The following KBTBD8 variants were observed in gnomAD, a reference collection of about 807,000 sequenced individuals.
KBTBD8 encodes the protein kelch repeat and BTB domain containing 8.
Under a neutral mutation model 53.5 loss-of-function variants are expected in KBTBD8, and 31 were observed. The observed-to-expected ratio is 0.58, with a 90% CI of 0.44 to 0.78. The LOEUF (loss-of-function observed/expected upper bound fraction) is 0.78. Among genes scored for constraint, KBTBD8 ranks in the 30% least tolerant of loss-of-function variants. The pLI, the probability that KBTBD8 is intolerant of heterozygous loss-of-function variation, is 0.00. For missense variants in KBTBD8, 642 were observed against 735.8 expected, an observed-to-expected ratio of 0.87 and a Z score of 1.48; for synonymous variants, 250 against 247.3, an observed-to-expected ratio of 1.01 and a Z score of -0.10.
intron 2 of KBTBD8, among the ~76,000 whole-genome samples, chr3:67,001,728 G>A (rs995762908): frequency 2.6e-5 from 4 of 152,194 alleles, no homozygotes; most frequent in African/African-American, 9.6e-5. Flanking sequence ...AAATTAAAAT[G>A]TACATTGTAG....
intron 2 of KBTBD8, among the ~76,000 whole-genome samples, chr3:67,001,332 G>A (rs748738451): frequency 6.6e-6 from 1 of 152,160 alleles, no homozygotes; most frequent in Non-Finnish European, 1.5e-5. Flanking sequence ...ATCTGGAATG[G>A]CTGTTTCATG....
intron 2 of KBTBD8, among the ~76,000 whole-genome samples, chr3:67,000,051 G>T (rs374350680): frequency 6.6e-6 from 1 of 152,146 alleles, no homozygotes; most frequent in Admixed American, 6.5e-5. Context: ...TTCACAAGTG[G>T]TGCATAAATA....
intron 1 of KBTBD8, 109 bp from the exon 2 acceptor site, chr3:66,998,872 T>C (rs1182033904): frequency 1.2e-6 from 1 of 828,048 alleles, no homozygotes; most frequent in Non-Finnish European, 2.0e-6. Context: ...CATTTGTATA[T>C]ATCTTGTAGG....
In KBTBD8 at chr3:67,007,964, GT is replaced by G. The variant is rs767614526; in HGVS notation, c.1388del (p.Phe463SerfsTer2). On this transcript the variant is annotated frameshift_variant, in exon 4 of 4. Coordinates refer to ENST00000417314, the MANE Select transcript of KBTBD8 (RefSeq NM_032505.3). LOFTEE classifies it high-confidence loss of function. ...TATGAGCCTCAAAAAGACTACTGGG[GT>G]TTCTTAACCCCCATGACTGTGCCTA... ...LFYEPQKDYWGFLTPMTVPRI... is the reference protein window; with the variant it reads ...LFYEPQKDYWXFLTPMTVPRI... 9.4e-6 allele frequency: 15 copies of G among 1,602,042 alleles called. No individual in the cohort carries two copies. The highest frequency in any genetic ancestry group is 1.2e-5 in the Non-Finnish European group (14 of 1,175,802).
chr3:67,000,580 A>G (rs780933220), intron 2 of KBTBD8, among the ~76,000 whole-genome samples: 6 of 152,190 alleles, frequency 3.9e-5, no homozygotes, highest in Non-Finnish European at 8.8e-5. Flanking sequence ...TAAATCATCT[A>G]TCCAACAAGT....
At chr3:67,002,406 T>C (rs201234252) in intron 2 of KBTBD8, among the ~76,000 whole-genome samples, 3 of 152,134 alleles carry the variant, frequency 2.0e-5, no homozygotes, top group African/African-American at 4.8e-5. Context: ...TTTAAAGATA[T>C]ATTTTGGATA....
At chr3:67,002,754 G>T (rs1260605984) in intron 2 of KBTBD8, among the ~76,000 whole-genome samples, 3 of 151,834 alleles carry the variant, frequency 2.0e-5, no homozygotes, top group African/African-American at 7.3e-5. Context: ...ACCCACTTTG[G>T]CCTCCTAAAG....
rs1702104275 is a variant in KBTBD8, at chr3:67,010,209, T to C, written c.*1824T>C. Reference sequence around the variant, plus strand: ...TATCATCATGATGTTTTGGAGTTATTACTGTGTATTTTAGAAATCATTCTT... The same window carrying C: ...TATCATCATGATGTTTTGGAGTTATCACTGTGTATTTTAGAAATCATTCTT... On this transcript the variant is annotated 3_prime_UTR_variant, in exon 4 of 4. Transcript: ENST00000417314. 6.6e-6 allele frequency: 1 copy of C among 152,622 alleles called. No homozygotes were observed. The highest frequency in any genetic ancestry group is 2.4e-5 in the African/African-American group (1 of 41,456). 9.5% of individuals were successfully genotyped at this position (152,622 alleles called of 1,614,324 possible). A position where few individuals can be genotyped will look rare whatever the true frequency, so the allele number is the denominator to read the frequency against.
chr3:67,004,307 A>G lies in KBTBD8; in HGVS notation c.1340A>G (p.Gln447Arg), dbSNP rs568229713. 3 of 1,611,282 alleles carry G rather than the reference A, an allele frequency of 1.9e-6. No individual in the cohort carries two copies. In the African/African-American group the frequency reaches 4.0e-5, roughly 21 times the overall value. Residue 447 changes from glutamine to arginine, a missense_variant and splice_region_variant, in exon 3 of 4, where the codon CAG (glutamine) becomes CGG (arginine). Physicochemically the swap from Gln to Arg is conservative, Grantham distance 43. Coordinates refer to ENST00000417314, the MANE Select transcript of KBTBD8 (RefSeq NM_032505.3). Reference sequence around the variant, plus strand: ...TACAAAGAGAAGATCTATGTTTTACAGGGTAGGTGCCTAAGTGATTTAGTT... The same window carrying G: ...TACAAAGAGAAGATCTATGTTTTACGGGGTAGGTGCCTAAGTGATTTAGTT... ...VEYKEKIYVL[Q>R]GEFFLFYEPQ... is the part of the protein sequence containing the mutation.
At chr3:66,998,483 A>G in intron 1 of KBTBD8, 112 bp downstream of exon 1, 1 of 854,640 alleles carries the variant, frequency 1.2e-6, no homozygotes. Flanking sequence ...AGAGGGAAGG[A>G]TGAAGCGGTG....
At chr3:67,007,885 A>T (rs758392194) in intron 3 of KBTBD8, 37 bp from the exon 4 acceptor site, 1 of 1,282,314 alleles carries the variant, frequency 7.8e-7, no homozygotes, top group African/African-American at 1.5e-5. Context: ...CAAACATAAA[A>T]ATTTACATAT....
Position 67,008,308 on chromosome 3 carries a change from C to T in KBTBD8, c.1729C>T (p.Arg577Trp), listed in dbSNP as rs1004165714. 8.1e-6 allele frequency: 13 copies of T among 1,613,512 alleles called. No homozygotes were observed. Among genetic ancestry groups the T allele is most frequent in the South Asian group, 1.1e-5 (1 of 91,070 alleles). The change falls in exon 4 of 4, where the codon CGG becomes TGG. Residue 577 changes from arginine (R) to tryptophan (W), a missense_variant. Coordinates refer to ENST00000417314, the MANE Select transcript of KBTBD8 (RefSeq NM_032505.3). ...QWMKVYETPDRLWDLGRHFEC... is the reference protein window; with the variant it reads ...QWMKVYETPDWLWDLGRHFEC... The stretch of plus-strand genomic sequence containing the variant: ...GATGAAAGTGTATGAGACCCCAGAT[C>T]GGCTCTGGGACCTTGGCCGGCATTT...
At chr3:67,001,898 A>G (rs1190580723) in intron 2 of KBTBD8, among the ~76,000 whole-genome samples, 1 of 152,216 alleles carries the variant, frequency 6.6e-6, no homozygotes, top group African/African-American at 2.4e-5. Context: ...TAAGATCACA[A>G]AAATTAAATA....
rs1702096800 is a variant in KBTBD8, at chr3:67,009,275, T to C, written c.*890T>C. The C allele has an allele frequency of 6.6e-6, 1 of 152,618 alleles. No homozygotes were observed. The highest frequency in any genetic ancestry group is 6.5e-5 in the Admixed American group (1 of 15,276). The allele number at this position is 152,618 out of a possible 1,614,324, so 9.5% of individuals were successfully genotyped here. A position where few individuals can be genotyped will look rare whatever the true frequency, so the allele number is the denominator to read the frequency against. On this transcript the variant is annotated 3_prime_UTR_variant, in exon 4 of 4. Coordinates refer to ENST00000417314, the MANE Select transcript of KBTBD8 (RefSeq NM_032505.3). The stretch of plus-strand genomic sequence containing the variant: ...ATAGGAGGGTATGGCCAGTTATTCA[T>C]CTAACTGGACTCAATCTTAGAATAG...
rs748258007 is a variant in KBTBD8, at chr3:67,004,043, A to G, written c.1076A>G (p.Asp359Gly). Residue 359 changes from aspartate (D) to glycine (G), a missense_variant, in exon 3 of 4, where the codon GAT (aspartate) becomes GGT (glycine). Asp to Gly is a moderately conservative substitution (Grantham distance 94, BLOSUM62 -1). Transcript: ENST00000417314. ...EVSIDHKAEN[D>G]FWMYDHSTNR... ...TCCATCGACCATAAGGCAGAAAATG[A>G]TTTCTGGATGTATGATCATTCCACC... The G allele has an allele frequency of 3.1e-6, 5 of 1,614,136 alleles. No homozygotes were observed. The highest frequency in any genetic ancestry group is 4.2e-6 in the Non-Finnish European group (5 of 1,180,030).
chr3:67,001,056 T>G (rs1035328018), intron 2 of KBTBD8, among the ~76,000 whole-genome samples: 1 of 152,164 alleles, frequency 6.6e-6, no homozygotes, highest in African/African-American at 2.4e-5. Context: ...TTTTCTTGAT[T>G]CCTTAAAATC....
rs1341779627 is a variant in KBTBD8, at chr3:66,998,331, G to A, written c.-25G>A. 1.5e-6 allele frequency: 2 copies of A among 1,302,308 alleles called. No homozygotes were observed. Among genetic ancestry groups the A allele is most frequent in the Middle Eastern group, 2.1e-4 (1 of 4,708 alleles). 80.7% of individuals were successfully genotyped at this position (1,302,308 alleles called of 1,614,324 possible). On this transcript the variant is annotated 5_prime_UTR_variant, in exon 1 of 4. Coordinates refer to ENST00000417314, the MANE Select transcript of KBTBD8 (RefSeq NM_032505.3). ...CGAAATGACATTTCCTTTTTAAATA[G>A]CTGGAGTCGGGGCCCCATCGAGAAA...
In KBTBD8 at chr3:67,004,099, C is replaced by T. The variant is rs755865259; in HGVS notation, c.1132C>T (p.Arg378Ter). The T allele has an allele frequency of 1.6e-5, 26 of 1,614,114 alleles. No individual in the cohort carries two copies. The highest frequency in any genetic ancestry group is 2.2e-5 in the South Asian group (2 of 91,078). Reference sequence around the variant, plus strand: ...ATGGCTATCCAAACCATCCTTGCTTCGAGCCAGAATAGGCTGCAAACTTGT... The same window carrying T: ...ATGGCTATCCAAACCATCCTTGCTTTGAGCCAGAATAGGCTGCAAACTTGT... ...NRWLSKPSLL[R>*]ARIGCKLVYC... Residue 378 changes from arginine (R) to a stop codon, truncating the protein, a stop_gained, in exon 3 of 4, where the codon CGA becomes TGA. Transcript: ENST00000417314. LOFTEE classifies it high-confidence loss of function.
chr3:66,998,797 G>T lies in KBTBD8; in HGVS notation c.17-184G>T, dbSNP rs201979191. On this transcript the variant is annotated intron_variant, in intron 1 of 3. Coordinates refer to ENST00000417314, the MANE Select transcript of KBTBD8 (RefSeq NM_032505.3). ...CCTTTGAACTTGTTCCGCCGATCGC[G>T]CTCCGCCCTCTGTCTCCCAGATCCT... 5.1e-5 allele frequency: 31 copies of T among 612,038 alleles called. No homozygotes were observed. In the East Asian group the frequency reaches 6.9e-4, roughly 14 times the overall value. The allele number at this position is 612,038 out of a possible 1,614,324, so 37.9% of individuals were successfully genotyped here.
Sources: allele counts gnomAD v4.1 joint callset (sites outside exome capture counted in the v4.1 genomes callset), GRCh38; gene constraint gnomAD v4.1.1; transcripts MANE v1.5; gene names NCBI Gene and HGNC (gene_info 2026-07-23, HGNC 2026-07-21).